Variants in PCDHA2 observed in about 807,000 individuals in gnomAD.
The protein encoded by PCDHA2 is protocadherin alpha-2.
In PCDHA2, 58 loss-of-function variants were observed where a neutral mutation model predicts 66.0. The observed-to-expected ratio is 0.88, with a 90% CI of 0.71 to 1.09. PCDHA2 has a LOEUF of 1.09. PCDHA2 is among the 50% of genes least tolerant of loss of function. PCDHA2 has a pLI of 0.00. For missense variants in PCDHA2, 1,267 were observed against 1,242.3 expected (o/e 1.02, Z -0.30); for synonymous variants, 634 against 554.0 (o/e 1.14, Z -2.03).
At chr5:140,883,525 A>G in intron 1 of PCDHA2, 1 of 1,614,220 alleles carries the variant, frequency 6.2e-7, no homozygotes, top group Middle Eastern at 1.7e-4. Context: ...AGAGCGTATC[A>G]GCCTATGAAC....
chr5:140,829,372 G>A (rs1770256415), intron 1 of PCDHA2: 2 of 1,614,208 alleles, frequency 1.2e-6, no homozygotes, highest in South Asian at 2.2e-5. Context: ...TGGTAACCGC[G>A]CGGGACGGGG....
chr5:140,966,726 C>T, intron 1 of PCDHA2: 3 of 1,402,206 alleles, frequency 2.1e-6, no homozygotes, highest in Non-Finnish European at 1.8e-6. Flanking sequence ...GAAGCTGCCG[C>T]CTCCGGCCCT....
At chr5:140,942,580 G>A (rs782743450) in intron 1 of PCDHA2, among the ~76,000 whole-genome samples, 4 of 151,104 alleles carry the variant, frequency 2.6e-5, no homozygotes, top group Non-Finnish European at 5.9e-5. Flanking sequence ...TCCCATATAG[G>A]ATGTCACATA....
intron 3 of PCDHA2, among the ~76,000 whole-genome samples, chr5:141,005,485 T>C (rs57509018): frequency 5.3e-5 from 8 of 151,370 alleles, no homozygotes; most frequent in Non-Finnish European, 1.0e-4. Context: ...GGGCGGATCA[T>C]GAGGTCAGGA....
intron 1 of PCDHA2, chr5:140,928,441 C>A: frequency 4.3e-6 from 7 of 1,614,140 alleles, no homozygotes; most frequent in Non-Finnish European, 5.9e-6. Context: ...TGACTTTGAG[C>A]AGCTCAGGGG....
chr5:140,863,538 T>C (rs187152479), intron 1 of PCDHA2: 1 of 386,422 alleles, frequency 2.6e-6, no homozygotes, highest in Non-Finnish European at 5.0e-6. Flanking sequence ...ATTTTGGAGA[T>C]GGACTTCAAT....
At chr5:140,993,817 T>C (rs1467199618) in intron 3 of PCDHA2, among the ~76,000 whole-genome samples, 2 of 152,240 alleles carry the variant, frequency 1.3e-5, no homozygotes, top group Non-Finnish European at 2.9e-5. Context: ...CTAGGAGCAA[T>C]AGGCTATACC....
rs1274715970 is a variant in PCDHA2, at chr5:140,849,195, G to A, written c.2388+51843G>A. ...CGTTCAATTACTCATCACGGTACTG[G>A]ACAACAATGACAATGCCCCAGTGTT... On this transcript the variant is annotated intron_variant, in intron 1 of 3. Coordinates refer to ENST00000526136, the MANE Select transcript of PCDHA2 (RefSeq NM_018905.3). The A allele has an allele frequency of 2.4e-5, 25 of 1,038,632 alleles. 3 individuals carry two copies. The highest frequency in any genetic ancestry group is 1.1e-4 in the Admixed American group (4 of 36,524). 64.3% of individuals were successfully genotyped at this position (1,038,632 alleles called of 1,614,324 possible).
At position 140,851,036 on chromosome 5, in the gene PCDHA2, T is replaced by A; in HGVS notation, c.2388+53684T>A. On this transcript the variant is annotated intron_variant, in intron 1 of 3. Coordinates refer to ENST00000526136, the MANE Select transcript of PCDHA2 (RefSeq NM_018905.3). ...TTCTGATAAAGTAAACCCCTTAACA[T>A]TGGAGCCGACTTTGTCTTGACTTCT... 2 of 1,401,900 alleles carry A rather than the reference T, an allele frequency of 1.4e-6. 1 individual carries two copies. The highest frequency in any genetic ancestry group is 1.9e-6 in the Non-Finnish European group (2 of 1,068,406). The allele number at this position is 1,401,900 out of a possible 1,614,324, so 86.8% of individuals were successfully genotyped here.
At chr5:140,857,221 C>T in intron 1 of PCDHA2, 1 of 1,598,474 alleles carries the variant, frequency 6.3e-7, no homozygotes, top group South Asian at 1.1e-5. Context: ...TGACGCCTCA[C>T]GTTCCGTTCA....
At chr5:140,835,878 G>A (rs138465402) in intron 1 of PCDHA2, 6 of 1,611,878 alleles carry the variant, frequency 3.7e-6, no homozygotes, top group Non-Finnish European at 5.1e-6. Context: ...GGAGCTGCGG[G>A]TGGGCGAGCG....
At chr5:140,922,547 G>A (rs1269163353) in intron 1 of PCDHA2, among the ~76,000 whole-genome samples, 2 of 152,192 alleles carry the variant, frequency 1.3e-5, no homozygotes, top group Non-Finnish European at 2.9e-5. Context: ...GGCAAGGTAA[G>A]GAGAAAAGTC....
intron 1 of PCDHA2, among the ~76,000 whole-genome samples, chr5:140,947,681 C>T (rs976876831): frequency 3.3e-5 from 5 of 151,572 alleles, no homozygotes; most frequent in Non-Finnish European, 5.9e-5. Context: ...AAAAAATTGT[C>T]TCAGCATGTT....
intron 1 of PCDHA2, among the ~76,000 whole-genome samples, chr5:140,821,070 A>G (rs1317979536): frequency 6.6e-6 from 1 of 152,132 alleles, no homozygotes; most frequent in East Asian, 1.9e-4. Flanking sequence ...AAATAGTTTT[A>G]GTTGTTTTTG....
intron 1 of PCDHA2, chr5:140,871,093 G>C: frequency 1.9e-6 from 3 of 1,613,300 alleles, no homozygotes; most frequent in Non-Finnish European, 2.5e-6. Context: ...CACGGCCACC[G>C]TGCTGGTGTC....
At chr5:140,890,875 T>G (rs189226344) in intron 1 of PCDHA2, among the ~76,000 whole-genome samples, 106 of 152,318 alleles carry the variant, frequency 7.0e-4, no homozygotes, top group Non-Finnish European at 1.3e-3. Flanking sequence ...CCCTCTGACC[T>G]TTCATCAGGG....
chr5:140,869,442 G>A (rs782686984), intron 1 of PCDHA2: 3 of 1,614,208 alleles, frequency 1.9e-6, no homozygotes, highest in African/African-American at 1.3e-5. Flanking sequence ...TGGACAGGCC[G>A]CTGCAGGTTT....
chr5:140,808,373 A>G (rs1481118058), intron 1 of PCDHA2: 3 of 1,614,030 alleles, frequency 1.9e-6, no homozygotes, highest in Admixed American at 1.7e-5. Context: ...CGTCCCCTTC[A>G]AGCTGGTGTC....
chr5:140,995,764 G>C (rs2097697128), intron 3 of PCDHA2, among the ~76,000 whole-genome samples: 1 of 152,134 alleles, frequency 6.6e-6, no homozygotes, highest in Non-Finnish European at 1.5e-5. Flanking sequence ...AGAAAATGTG[G>C]AGAGTGAAGG....
Sources: gnomAD v4.1 joint callset for allele counts (sites outside exome capture counted in the v4.1 genomes callset) on GRCh38, gnomAD v4.1.1 for gene constraint, MANE v1.5 for transcripts, NCBI Gene and HGNC (gene_info 2026-07-23, HGNC 2026-07-21) for gene names.